The following SULT1C2 variants were observed in gnomAD, a reference collection of about 807,000 sequenced individuals.
The protein encoded by SULT1C2 is sulfotransferase family 1C member 2.
In SULT1C2, 27 loss-of-function variants were observed where a neutral mutation model predicts 36.0. The ratio of observed to expected loss-of-function variants is 0.75; its 90% CI spans 0.55 to 1.03. The LOEUF is 1.03. Ranked by LOEUF, SULT1C2 falls within the 50% of genes least tolerant of loss-of-function variation. The pLI is 0.00. For synonymous variants in SULT1C2, 121 were observed against 116.0 expected, an observed-to-expected ratio of 1.04 and a Z score of -0.27; for missense variants, 395 against 359.2, an observed-to-expected ratio of 1.10 and a Z score of -0.80.
chr2:108,298,103 T>C (rs1676781293), intron 3 of SULT1C2, among the ~76,000 whole-genome samples: 1 of 152,226 alleles, frequency 6.6e-6, no homozygotes, highest in African/African-American at 2.4e-5. Flanking sequence ...GCAGATTCCC[T>C]GAATTTGCTC....
At position 108,288,903 on chromosome 2, in the gene SULT1C2, G is replaced by A. The variant is rs1335660257; in HGVS notation, c.-189G>A. ...AAAAGCTTCAACTTCCCACACTGAA[G>A]CTGAGAGCCTCCCAAAGTGCTGGCT... On this transcript the variant is annotated 5_prime_UTR_variant, in exon 1 of 8. Coordinates refer to ENST00000251481, the MANE Select transcript of SULT1C2 (RefSeq NM_001056.4). 6.6e-6 allele frequency: 1 copy of A among 152,578 alleles called. No individual in the cohort carries two copies. The highest frequency in any genetic ancestry group is 1.5e-5 in the Non-Finnish European group (1 of 68,050). The allele number at this position is 152,578 out of a possible 1,614,324, so 9.5% of individuals were successfully genotyped here.
chr2:108,293,766 G>A lies in SULT1C2; in HGVS notation c.99G>A (p.Gln33=). 1.2e-6 allele frequency: 2 copies of A among 1,614,118 alleles called. No homozygotes were observed. Residue 33 remains glutamine (Q), a synonymous_variant, in exon 2 of 8, where the codon CAG becomes CAA. Transcript: ENST00000251481. ...CTGTGGACAACTGGAGCCAGATCCAGAGCTTCGAGGCCAAACCAGATGATC... is the reference window on the plus strand; with the variant it reads ...CTGTGGACAACTGGAGCCAGATCCAAAGCTTCGAGGCCAAACCAGATGATC... ...PATVDNWSQI[Q]SFEAKPDDLL...
At chr2:108,305,837 T>G (rs1213618581) in intron 7 of SULT1C2, among the ~76,000 whole-genome samples, 3 of 152,216 alleles carry the variant, frequency 2.0e-5, no homozygotes, top group Non-Finnish European at 4.4e-5. Flanking sequence ...AGGGGCTTAC[T>G]GTGAAGATTC....
chr2:108,302,549 G>T (rs929762001), intron 4 of SULT1C2: 2 of 152,134 alleles, frequency 1.3e-5, no homozygotes, highest in Admixed American at 6.6e-5. Flanking sequence ...GACCCCCATA[G>T]GATCCCCACT....
At chr2:108,297,050 T>C (rs765236050) in intron 3 of SULT1C2, among the ~76,000 whole-genome samples, 1 of 152,242 alleles carries the variant, frequency 6.6e-6, no homozygotes, top group Non-Finnish European at 1.5e-5. Context: ...TGAAAAGACC[T>C]GTGTGCATGT....
Position 108,308,672 on chromosome 2 carries a change from A to C in SULT1C2, c.*208A>C. 1 of 499,082 alleles carries C rather than the reference A, an allele frequency of 2.0e-6. No individual in the cohort carries two copies. The highest frequency in any genetic ancestry group is 3.2e-5 in the East Asian group (1 of 31,038). 30.9% of individuals were successfully genotyped at this position (499,082 alleles called of 1,614,324 possible). ...GCCCATTTTCCCAACTATTCTTTCC[A>C]AAGTAAGATATAAGGTAGCTTAATA... On this transcript the variant is annotated 3_prime_UTR_variant, in exon 8 of 8. Transcript: ENST00000251481.
chr2:108,309,834 A>G lies in SULT1C2; in HGVS notation c.*1370A>G, dbSNP rs576424233. ...AGTTCTAAATAATAGCTAGGTTACC[A>G]CTGAGTTTTAACTATATGTATATGA... On this transcript the variant is annotated 3_prime_UTR_variant, in exon 8 of 8. Coordinates refer to ENST00000251481, the MANE Select transcript of SULT1C2 (RefSeq NM_001056.4). The G allele has an allele frequency of 6.6e-6, 1 of 152,330 alleles. No individual in the cohort carries two copies. The highest frequency in any genetic ancestry group is 2.1e-4 in the South Asian group (1 of 4,828). 9.4% of individuals were successfully genotyped at this position (152,330 alleles called of 1,614,324 possible). A position where few individuals can be genotyped will look rare whatever the true frequency, so the allele number is the denominator to read the frequency against.
intron 5 of SULT1C2, 97 bp from the exon 6 acceptor site, chr2:108,305,075 G>A: frequency 7.0e-7 from 1 of 1,431,976 alleles, no homozygotes; most frequent in Non-Finnish European, 9.7e-7. Context: ...CAGAATTTGG[G>A]TTTTCTCTCT....
At chr2:108,301,057 A>AG (rs1676857756) in intron 4 of SULT1C2, 122 bp downstream of exon 4, 1 of 1,257,404 alleles carries the variant, frequency 8.0e-7, no homozygotes, top group Non-Finnish European at 1.1e-6. Context: ...GATGCTTACC[A>AG]GCAAAGAGAA....
intron 3 of SULT1C2, among the ~76,000 whole-genome samples, chr2:108,297,093 T>C (rs1676750430): frequency 2.6e-5 from 4 of 152,190 alleles, no homozygotes; most frequent in Admixed American, 2.0e-4. Flanking sequence ...GTGAACTGTA[T>C]ATAGGTGAAA....
intron 7 of SULT1C2, 39 bp downstream of exon 7, chr2:108,305,634 G>A (rs748917537): frequency 8.1e-6 from 13 of 1,609,802 alleles, no homozygotes; most frequent in East Asian, 2.2e-5. Flanking sequence ...AGATTGTCTC[G>A]TAACATCCTG....
intron 1 of SULT1C2, among the ~76,000 whole-genome samples, chr2:108,291,280 C>T (rs968738220): frequency 5.9e-5 from 9 of 152,196 alleles, no homozygotes; most frequent in African/African-American, 1.9e-4. Flanking sequence ...TTCTGCCACA[C>T]GACTCTCTGA....
At chr2:108,304,447 C>T (rs1002948147) in intron 4 of SULT1C2, 127 bp from the exon 5 acceptor site, 18 of 1,020,950 alleles carry the variant, frequency 1.8e-5, no homozygotes, top group African/African-American at 3.3e-5. Flanking sequence ...AAGGCCAAGT[C>T]GCAGGGCCAG....
At position 108,308,625 on chromosome 2, in the gene SULT1C2, T is replaced by G; in HGVS notation, c.*161T>G. On this transcript the variant is annotated 3_prime_UTR_variant, in exon 8 of 8. Transcript: ENST00000251481. The stretch of plus-strand genomic sequence containing the variant: ...TTAACAGTATGTCACCACTTCATTT[T>G]TTAAAAAGGATCACGTCTAATGCCC... The G allele has an allele frequency of 1.7e-6, 1 of 573,334 alleles. No homozygotes were observed. Among genetic ancestry groups the G allele is most frequent in the Non-Finnish European group, 2.9e-6 (1 of 344,088 alleles). 35.5% of individuals were successfully genotyped at this position (573,334 alleles called of 1,614,324 possible). A position where few individuals can be genotyped will look rare whatever the true frequency, so the allele number is the denominator to read the frequency against.
At chr2:108,295,815 A>G (rs934137869) in intron 3 of SULT1C2, among the ~76,000 whole-genome samples, 10 of 152,180 alleles carry the variant, frequency 6.6e-5, no homozygotes, top group African/African-American at 2.4e-4. Flanking sequence ...TTATTTAAAG[A>G]TGGAGGCTAG....
chr2:108,294,073 C>A, intron 2 of SULT1C2, 156 bp from the exon 3 acceptor site: 1 of 1,394,884 alleles, frequency 7.2e-7, no homozygotes, highest in Non-Finnish European at 9.6e-7. Context: ...AAGTCCATCC[C>A]TCATGGACTT....
chr2:108,304,500 GCTCTGCCTAAGGGAA>G, intron 4 of SULT1C2, 59 bp from the exon 5 acceptor site: 2 of 1,508,588 alleles, frequency 1.3e-6, no homozygotes, highest in Non-Finnish European at 1.8e-6. Flanking sequence ...CCTCAGGATG[GCTCTGCCTAAGGGAA>G]CTCTGTGAAA....
intron 4 of SULT1C2, 88 bp downstream of exon 4, chr2:108,301,023 C>A: frequency 6.6e-7 from 1 of 1,523,088 alleles, no homozygotes; most frequent in Non-Finnish European, 8.9e-7. Context: ...CATTCGTGAT[C>A]ACCTTTGCCT....
chr2:108,298,534 T>G (rs1676794504), intron 3 of SULT1C2: 1 of 260,514 alleles, frequency 3.8e-6, no homozygotes, highest in South Asian at 3.1e-5. Context: ...CGTATCACCA[T>G]GCCCAGCTAA....
Sources: gnomAD v4.1 joint callset for allele counts (sites outside exome capture counted in the v4.1 genomes callset) on GRCh38, gnomAD v4.1.1 for gene constraint, MANE v1.5 for transcripts, NCBI Gene and HGNC (gene_info 2026-07-23, HGNC 2026-07-21) for gene names.